Variants in CD8B observed in about 807,000 individuals in gnomAD.
CD8B encodes the protein CD8 subunit beta, also known as T-cell surface glycoprotein CD8 beta chain.
In CD8B, 6 loss-of-function variants were observed where a neutral mutation model predicts 24.2. The observed-to-expected ratio is 0.25, with a 90% confidence interval of 0.14 to 0.49. The LOEUF is 0.49. Among genes scored for constraint, CD8B ranks in the 20% least tolerant of loss-of-function variants. CD8B has a pLI of 0.98. For synonymous variants in CD8B, 84 were observed against 108.3 expected (o/e 0.78, Z 1.39); for missense variants, 196 against 271.3 (o/e 0.72, Z 1.95).
intron 2 of CD8B, among the ~76,000 whole-genome samples, chr2:86,857,846 G>A (rs1334650386): frequency 6.6e-6 from 1 of 152,184 alleles, no homozygotes; most frequent in Non-Finnish European, 1.5e-5. Flanking sequence ...TACCTTCCAG[G>A]GTGGTTGGCA....
At chr2:86,831,732 C>T (rs554503507) in intron 5 of CD8B, among the ~76,000 whole-genome samples, 1 of 152,202 alleles carries the variant, frequency 6.6e-6, no homozygotes, top group Admixed American at 6.5e-5. Flanking sequence ...CTCCCCTGCC[C>T]CAGGGAGACA....
chr2:86,828,528 T>A (rs1378395219), intron 5 of CD8B, among the ~76,000 whole-genome samples: 1 of 152,142 alleles, frequency 6.6e-6, no homozygotes, highest in Non-Finnish European at 1.5e-5. Flanking sequence ...AAGGGGCCCT[T>A]TGAGTGGCTC....
chr2:86,832,501 G>C (rs1028798093), intron 5 of CD8B, among the ~76,000 whole-genome samples: 1 of 150,778 alleles, frequency 6.6e-6, no homozygotes, highest in Non-Finnish European at 1.5e-5. Flanking sequence ...AAAAAAAAGA[G>C]ATATCATATC....
At chr2:86,857,356 C>T (rs892411912) in intron 2 of CD8B, among the ~76,000 whole-genome samples, 9 of 152,292 alleles carry the variant, frequency 5.9e-5, no homozygotes, top group Middle Eastern at 3.4e-3. Context: ...GGGGCTCAGC[C>T]CAATCCAGCC....
chr2:86,843,547 A>G (rs1014173420), intron 5 of CD8B: 24 of 982,808 alleles, frequency 2.4e-5, no homozygotes, highest in Non-Finnish European at 2.8e-5. Context: ...TCCAGCAGGC[A>G]TGTTTAAGCC....
chr2:86,815,381 G>A, downstream of CD8B: 1 of 480,054 alleles, frequency 2.1e-6, no homozygotes, highest in Non-Finnish European at 3.7e-6. Context: ...TAGGATTTTG[G>A]GCAAATTTAT....
rs1675699793 is a variant in CD8B, at chr2:86,846,786, C to T, written c.494-13G>A. ...CTACAAAGTGGGCCTGGAAAACACA[C>T]ATGTGACATGTGTTCAACACGGAAC... On this transcript the variant is annotated splice_polypyrimidine_tract_variant and intron_variant, in intron 3 of 5. Coordinates refer to ENST00000390655, the MANE Select transcript of CD8B (RefSeq NM_004931.5). The T allele has an allele frequency of 3.2e-6, 5 of 1,540,544 alleles. No homozygotes were observed. In the East Asian group the frequency reaches 1.2e-4, roughly 36 times the overall value.
At chr2:86,846,281 T>C (rs937401117) in intron 4 of CD8B, among the ~76,000 whole-genome samples, 2 of 152,182 alleles carry the variant, frequency 1.3e-5, no homozygotes, top group Admixed American at 6.5e-5. Flanking sequence ...CAAACTTTTC[T>C]GGACACTGGG....
intron 4 of CD8B, among the ~76,000 whole-genome samples, chr2:86,845,446 CCTTTATTA>C (rs1332635070): frequency 6.6e-6 from 1 of 152,080 alleles, no homozygotes. Flanking sequence ...TGTATTTCAG[CCTTTATTA>C]CTTTTGATTT....
intron 5 of CD8B, among the ~76,000 whole-genome samples, chr2:86,819,153 G>A (rs1674370523): frequency 6.6e-6 from 1 of 152,154 alleles, no homozygotes; most frequent in Non-Finnish European, 1.5e-5. Flanking sequence ...AGTGGTTTAA[G>A]GGAAGATACC....
rs1675344735 is a variant in CD8B at position 86,839,996 on chromosome 2, TG to T, written c.*2310del. 6.6e-6 allele frequency among the ~76,000 whole-genome samples: 1 copy of T among 152,174 alleles called. No individual in the cohort carries two copies. Among genetic ancestry groups the T allele is most frequent in the African/African-American group, 2.4e-5 (1 of 41,450 alleles). On this transcript the variant is annotated 3_prime_UTR_variant, in exon 6 of 6. Coordinates refer to ENST00000390655, the MANE Select transcript of CD8B (RefSeq NM_004931.5). ...GCCTGTCCCTTGTCCTCAGAGCTGA[TG>T]GGCAGAGCTTTTGTTTCTTTTGAAC... is the stretch of plus-strand genomic sequence containing the variant.
downstream of CD8B, among the ~76,000 whole-genome samples, chr2:86,834,966 GC>G (rs1358617043): frequency 9.3e-5 from 13 of 139,552 alleles, 1 homozygote; most frequent in South Asian, 2.8e-3. Context: ...AAAAAGACAA[GC>G]GTTCCCCTGC....
intron 5 of CD8B, chr2:86,821,817 C>A: frequency 5.8e-6 from 2 of 345,942 alleles, no homozygotes; most frequent in Non-Finnish European, 1.3e-5. Flanking sequence ...GGGAATGTTC[C>A]GAGCCCCCTG....
intron 1 of CD8B, among the ~76,000 whole-genome samples, chr2:86,858,673 G>A (rs1558764495): frequency 6.9e-6 from 1 of 144,126 alleles, no homozygotes; most frequent in Non-Finnish European, 1.5e-5. Flanking sequence ...GCTGCCATTT[G>A]TTTATTGTGT....
At chr2:86,849,481 A>G (rs939183493) in intron 3 of CD8B, among the ~76,000 whole-genome samples, 11 of 151,634 alleles carry the variant, frequency 7.3e-5, no homozygotes, top group Non-Finnish European at 1.0e-4. Context: ...TGCCCTGGGG[A>G]GGCAAATCTG....
intron 5 of CD8B, among the ~76,000 whole-genome samples, chr2:86,823,062 C>A (rs772221297): frequency 2.0e-5 from 3 of 152,088 alleles, no homozygotes; most frequent in Non-Finnish European, 4.4e-5. Flanking sequence ...ATCATTACCA[C>A]CATGCATCCA....
At chr2:86,834,883 C>T (rs998301757), downstream of CD8B, among the ~76,000 whole-genome samples, 2 of 149,472 alleles carry the variant, frequency 1.3e-5, no homozygotes, top group African/African-American at 2.5e-5. Flanking sequence ...TTGCAGTGAG[C>T]CAAGATCGTG....
downstream of CD8B, chr2:86,815,434 G>A (rs1384975507): frequency 5.0e-6 from 3 of 599,948 alleles, no homozygotes; most frequent in Non-Finnish European, 9.0e-6. Flanking sequence ...ACACTTTGGG[G>A]TTCACAAGGA....
In CD8B at chr2:86,826,876, C is replaced by CA. The variant is rs199833672; in HGVS notation, c.621-11159dup. Among the ~76,000 whole-genome samples, 728 of 150,286 alleles carry CA rather than the reference C, an allele frequency of 4.8e-3. 7 individuals carry two copies. Among genetic ancestry groups the CA allele is most frequent in the African/African-American group, 0.017 (682 of 40,622 alleles). ...TCACTCTGTCACCCAGGCTGGAGTGCAGTGGCATGATCTCGGCTCACTGCA... is the reference window on the plus strand; with the variant it reads ...TCACTCTGTCACCCAGGCTGGAGTGCAAGTGGCATGATCTCGGCTCACTGCA... On this transcript the variant is annotated intron_variant, in intron 5 of 5. Transcript: ENST00000331469.
Sources: allele counts gnomAD v4.1 joint callset (sites outside exome capture counted in the v4.1 genomes callset), GRCh38; gene constraint gnomAD v4.1.1; transcripts MANE v1.5; gene names NCBI Gene and HGNC (gene_info 2026-07-23, HGNC 2026-07-21).